Variants in SMAD2 observed in about 807,000 individuals in gnomAD.
SMAD2 encodes MAD homolog 2.
SMAD2 carries 8 observed loss-of-function variants against 64.4 expected under a neutral mutation model. The ratio of observed to expected loss-of-function variants is 0.12; its 90% CI spans 0.07 to 0.22. SMAD2 has a LOEUF of 0.22. Among genes scored for constraint, SMAD2 ranks in the 10% least tolerant of loss-of-function variants. SMAD2 has a pLI of 1.00. For missense variants in SMAD2, 289 were observed against 561.2 expected, an observed-to-expected ratio of 0.51 and a Z score of 4.90; for synonymous variants, 203 against 195.8, an observed-to-expected ratio of 1.04 and a Z score of -0.31.
At chr18:47,868,666 T>C (rs758234735) in intron 4 of SMAD2, among the ~76,000 whole-genome samples, 1 of 152,174 alleles carries the variant, frequency 6.6e-6, no homozygotes, top group Non-Finnish European at 1.5e-5. Context: ...CAAGTTCTAA[T>C]TTATCTCAAA....
At chr18:47,845,192 T>G (rs768171005) in intron 10 of SMAD2, 148 bp downstream of exon 10, 1 of 804,182 alleles carries the variant, frequency 1.2e-6, no homozygotes, top group African/African-American at 1.7e-5. Flanking sequence ...AGTTTTGAAT[T>G]TGGAGGCCTC....
chr18:47,895,017 GCCT>G (rs1258993004), intron 2 of SMAD2, among the ~76,000 whole-genome samples: 5 of 152,030 alleles, frequency 3.3e-5, no homozygotes, highest in African/African-American at 7.3e-5. Context: ...ATTCCTCACA[GCCT>G]CCTAATTTTC....
In SMAD2 at chr18:47,868,336, A is replaced by G. The variant is rs757743392; in HGVS notation, c.642T>C (p.Ser214=). ...AGGCAAAAATACCTGGAATATAATTACTCTGTGGCTCAATTCCTGCTGGGA... is the reference window on the plus strand; with the variant it reads ...AGGCAAAAATACCTGGAATATAATTGCTCTGTGGCTCAATTCCTGCTGGGA... ...TNFPAGIEPQ[S]NYIPETPPPG... Residue 214 remains serine, a synonymous_variant, in exon 5 of 11, where the codon AGT becomes AGC. Coordinates refer to ENST00000262160, the MANE Select transcript of SMAD2 (RefSeq NM_005901.6). The G allele has an allele frequency of 6.2e-7, 1 of 1,613,056 alleles. No individual in the cohort carries two copies. Among genetic ancestry groups the G allele is most frequent in the Non-Finnish European group, 8.5e-7 (1 of 1,179,314 alleles).
intron 1 of SMAD2, among the ~76,000 whole-genome samples, chr18:47,901,452 T>C (rs1014685990): frequency 1.3e-5 from 2 of 152,220 alleles, no homozygotes; most frequent in African/African-American, 4.8e-5. Flanking sequence ...ACTTGAAATA[T>C]TTAGCCCATT....
In SMAD2 at chr18:47,840,910, G is replaced by A. The variant is rs976200986; in HGVS notation, c.*917C>T. On this transcript the variant is annotated 3_prime_UTR_variant, in exon 11 of 11. Coordinates refer to ENST00000262160, the MANE Select transcript of SMAD2 (RefSeq NM_005901.6). ...AGGTGGAAGGATAAATCAACAGACT[G>A]CTAGATTATACAAGCCAATTATTCC... is the stretch of plus-strand genomic sequence containing the variant. 1.1e-4 allele frequency: 25 copies of A among 232,364 alleles called. No individual in the cohort carries two copies. The highest frequency in any genetic ancestry group is 1.3e-3 in the Middle Eastern group (1 of 776). The allele number at this position is 232,364 out of a possible 1,614,324, so 14.4% of individuals were successfully genotyped here. A position where few individuals can be genotyped will look rare whatever the true frequency, so the allele number is the denominator to read the frequency against.
intron 6 of SMAD2, among the ~76,000 whole-genome samples, chr18:47,855,094 T>C (rs2030547326): frequency 6.6e-6 from 1 of 152,188 alleles, no homozygotes; most frequent in East Asian, 1.9e-4. Flanking sequence ...ATATAGTAAG[T>C]CTTCATTTAA....
Position 47,810,202 on chromosome 18 carries a change from AC to A in SMAD2, c.*31624del, listed in dbSNP as rs1912157245. On this transcript the variant is annotated 3_prime_UTR_variant, in exon 11 of 11. Transcript: ENST00000262160. ...GTCATCTGACCCAGAAATACTAAGA[AC>A]CAAGTGAATTCCAAATTGCACACAC... 1 of 152,248 alleles carries A rather than the reference AC, an allele frequency of 6.6e-6. No individual in the cohort carries two copies. The highest frequency in any genetic ancestry group is 2.4e-5 in the African/African-American group (1 of 41,402). 9.4% of individuals were successfully genotyped at this position (152,248 alleles called of 1,614,324 possible).
rs1260378189 is a variant in SMAD2 at position 47,827,309 on chromosome 18, G to GACA, written c.*14517_*14518insTGT. 1 of 151,986 alleles carries GACA rather than the reference G, an allele frequency of 6.6e-6. No individual in the cohort carries two copies. Among genetic ancestry groups the GACA allele is most frequent in the African/African-American group, 2.4e-5 (1 of 41,344 alleles). The allele number at this position is 151,986 out of a possible 1,614,324, so 9.4% of individuals were successfully genotyped here. ...CAAGAAATACCCAGACAACTAAAGA[G>GACA]ACTAAAATCATGTAAATCATCCATT... is the stretch of plus-strand genomic sequence containing the variant. On this transcript the variant is annotated 3_prime_UTR_variant, in exon 11 of 11. Coordinates refer to ENST00000262160, the MANE Select transcript of SMAD2 (RefSeq NM_005901.6).
intron 2 of SMAD2, among the ~76,000 whole-genome samples, chr18:47,881,500 T>C (rs2032586021): frequency 1.3e-5 from 2 of 152,338 alleles, no homozygotes; most frequent in Admixed American, 1.3e-4. Context: ...TTATAGATTC[T>C]TTAGGATTTC....
intron 2 of SMAD2, among the ~76,000 whole-genome samples, chr18:47,890,252 G>A (rs926537791): frequency 1.3e-4 from 20 of 152,188 alleles, no homozygotes; most frequent in Admixed American, 5.2e-4. Flanking sequence ...CAAACTGGAT[G>A]ATAAGGCTGA....
intron 1 of SMAD2, among the ~76,000 whole-genome samples, chr18:47,916,295 T>G (rs2034331638): frequency 6.6e-6 from 1 of 152,230 alleles, no homozygotes; most frequent in Non-Finnish European, 1.5e-5. Context: ...TGTATAAGAT[T>G]AGAGTTAATC....
At chr18:47,857,278 T>G (rs953359560) in intron 6 of SMAD2, among the ~76,000 whole-genome samples, 1 of 152,228 alleles carries the variant, frequency 6.6e-6, no homozygotes, top group Non-Finnish European at 1.5e-5. Context: ...TACAACATTA[T>G]AATCATCAAA....
chr18:47,823,701 C>T lies in SMAD2; in HGVS notation c.*18126G>A, dbSNP rs1274297360. Reference sequence around the variant, plus strand: ...CAGGCTGTAGACATTTTTCCTAAGACATCAGAGCAAGAATTGTATTACAAT... The same window carrying T: ...CAGGCTGTAGACATTTTTCCTAAGATATCAGAGCAAGAATTGTATTACAAT... On this transcript the variant is annotated 3_prime_UTR_variant, in exon 11 of 11. Transcript: ENST00000262160. 2 of 152,176 alleles carry T rather than the reference C, an allele frequency of 1.3e-5. No individual in the cohort carries two copies. Among genetic ancestry groups the T allele is most frequent in the South Asian group, 2.1e-4 (1 of 4,834 alleles). 9.4% of individuals were successfully genotyped at this position (152,176 alleles called of 1,614,324 possible).
At position 47,903,889 on chromosome 18, in the gene SMAD2, G is replaced by GGGA. The variant is rs1555660347; in HGVS notation, c.-53-7081_-53-7080insTCC. ...GAAAAAACAGTGTGGGGGGGGGGGG[G>GGGA]ACTCAGAATATCCAAAACCAAATGT... On this transcript the variant is annotated intron_variant, in intron 1 of 10. Transcript: ENST00000262160. Among the ~76,000 whole-genome samples the GGGA allele has an allele frequency of 8.3e-5, 8 of 95,852 alleles. 1 individual carries two copies. The highest frequency in any genetic ancestry group is 2.6e-4 in the African/African-American group (7 of 27,242). The allele number at this position is 95,852 out of a possible 152,430, so 62.9% of individuals were successfully genotyped here.
intron 7 of SMAD2, among the ~76,000 whole-genome samples, chr18:47,850,294 TA>T (rs1915079075): frequency 2.2e-5 from 1 of 46,486 alleles, no homozygotes; most frequent in Non-Finnish European, 3.5e-5. Context: ...ATATTATGTA[TA>T]ATATATATTA....
intron 1 of SMAD2, among the ~76,000 whole-genome samples, chr18:47,927,831 G>A (rs759885812): frequency 1.8e-4 from 27 of 152,156 alleles, no homozygotes; most frequent in Non-Finnish European, 3.4e-4. Context: ...CCCAGGAGGC[G>A]GAGGTTGCGG....
At chr18:47,866,411 C>A (rs369082693) in intron 5 of SMAD2, among the ~76,000 whole-genome samples, 1 of 150,812 alleles carries the variant, frequency 6.6e-6, no homozygotes, top group African/African-American at 2.4e-5. Flanking sequence ...ATAAACTAAC[C>A]ACAAACTTTA....
chr18:47,845,534 A>G, intron 9 of SMAD2, 50 bp from the exon 10 acceptor site: 1 of 1,594,464 alleles, frequency 6.3e-7, no homozygotes, highest in Non-Finnish European at 8.6e-7. Flanking sequence ...TCATTATTAA[A>G]AAGTAATTTT....
At chr18:47,910,075 T>C (rs1266380312) in intron 1 of SMAD2, among the ~76,000 whole-genome samples, 2 of 151,488 alleles carry the variant, frequency 1.3e-5, no homozygotes, top group Non-Finnish European at 2.9e-5. Context: ...TCCAAAATGA[T>C]ACATTCCTAC....
Sources: gnomAD v4.1 joint callset for allele counts (sites outside exome capture counted in the v4.1 genomes callset) on GRCh38, gnomAD v4.1.1 for gene constraint, MANE v1.5 for transcripts, NCBI Gene and HGNC (gene_info 2026-07-23, HGNC 2026-07-21) for gene names.